The following GSK3B variants were observed in gnomAD, a reference collection of about 807,000 sequenced individuals.
GSK3B encodes the protein glycogen synthase kinase-3 beta.
GSK3B carries 15 observed loss-of-function variants against 56.4 expected under a neutral mutation model. The ratio of observed to expected loss-of-function variants is 0.27; its 90% CI spans 0.18 to 0.41. The LOEUF is 0.41. GSK3B is among the 10% of genes least tolerant of loss of function. GSK3B has a pLI of 1.00. For missense variants in GSK3B, 300 were observed against 513.4 expected, an observed-to-expected ratio of 0.58 and a Z score of 4.02; for synonymous variants, 181 against 188.9, an observed-to-expected ratio of 0.96 and a Z score of 0.34.
intron 9 of GSK3B, 144 bp from the exon 10 acceptor site, chr3:119,843,497 C>T (rs752524757): frequency 1.5e-5 from 5 of 331,706 alleles, no homozygotes; most frequent in Non-Finnish European, 2.9e-5. Flanking sequence ...AATCCTAGCA[C>T]TTTGGGAGGC....
chr3:119,969,291 CAAA>C (rs112664898), intron 2 of GSK3B, among the ~76,000 whole-genome samples: 1 of 106,850 alleles, frequency 9.4e-6, no homozygotes, highest in Non-Finnish European at 2.0e-5. Context: ...GACTCCATCT[CAAA>C]AAAAAAAAAA....
intron 3 of GSK3B, among the ~76,000 whole-genome samples, chr3:119,927,430 C>T (rs139317510): frequency 4.6e-5 from 7 of 151,648 alleles, no homozygotes; most frequent in Admixed American, 6.6e-5. Context: ...TTTAAAGCAG[C>T]GGGAAGGCAG....
At chr3:120,083,399 A>G (rs1270809520) in intron 1 of GSK3B, among the ~76,000 whole-genome samples, 1 of 152,002 alleles carries the variant, frequency 6.6e-6, no homozygotes, top group East Asian at 1.9e-4. Flanking sequence ...GAAAAAGGAC[A>G]CTCCAGGAAA....
At chr3:120,079,447 C>A (rs113228536) in intron 1 of GSK3B, among the ~76,000 whole-genome samples, 6 of 151,618 alleles carry the variant, frequency 4.0e-5, no homozygotes, top group South Asian at 2.1e-4. Flanking sequence ...CAGGCTGGAG[C>A]GCAGTAGTGC....
intron 10 of GSK3B, among the ~76,000 whole-genome samples, chr3:119,839,186 A>C (rs1394097452): frequency 2.0e-5 from 3 of 152,216 alleles, no homozygotes; most frequent in Non-Finnish European, 4.4e-5. Flanking sequence ...CTTTTTCAGA[A>C]GCAGCAATAT....
chr3:120,065,478 G>T (rs1007971793), intron 1 of GSK3B, among the ~76,000 whole-genome samples: 1 of 152,152 alleles, frequency 6.6e-6, no homozygotes, highest in African/African-American at 2.4e-5. Context: ...GCTTGAAGAA[G>T]ATGCGGAGAA....
chr3:119,953,182 C>A (rs1367949020), intron 2 of GSK3B, among the ~76,000 whole-genome samples: 1 of 151,878 alleles, frequency 6.6e-6, no homozygotes, highest in Non-Finnish European at 1.5e-5. Flanking sequence ...TTAGAGCAAC[C>A]ACTAAGAAAA....
intron 1 of GSK3B, among the ~76,000 whole-genome samples, chr3:120,066,837 A>T (rs1241111377): frequency 1.3e-5 from 2 of 152,244 alleles, no homozygotes; most frequent in Non-Finnish European, 2.9e-5. Context: ...ACATCCTAAT[A>T]AAACTTTATT....
rs1227198473 is a variant in GSK3B, at chr3:119,960,339, G to C, written c.283-12988C>G. ...AGAGAAGTCAATGTGGTTATAAAAG[G>C]GCAGTAAGAGGATACTTGTGATGTT... is the stretch of plus-strand genomic sequence containing the variant. On this transcript the variant is annotated intron_variant, in intron 2 of 10. Coordinates refer to ENST00000264235, the MANE Select transcript of GSK3B (RefSeq NM_001146156.2). 2.6e-5 allele frequency among the ~76,000 whole-genome samples: 4 copies of C among 151,922 alleles called. No individual in the cohort carries two copies. In the South Asian group the frequency reaches 8.3e-4, roughly 32 times the overall value.
At chr3:119,827,203 G>C (rs1361654852) in intron 10 of GSK3B, among the ~76,000 whole-genome samples, 1 of 152,166 alleles carries the variant, frequency 6.6e-6, no homozygotes, top group African/African-American at 2.4e-5. Flanking sequence ...ACAGTGCACA[G>C]CTGGGAAAAC....
At chr3:119,852,216 T>C (rs2055939577) in intron 9 of GSK3B, among the ~76,000 whole-genome samples, 1 of 152,240 alleles carries the variant, frequency 6.6e-6, no homozygotes, top group Admixed American at 6.5e-5. Context: ...TTCCAATTTA[T>C]ACCACTCACC....
chr3:120,093,684 A>T lies in GSK3B; in HGVS notation c.-250T>A, dbSNP rs199674591. On this transcript the variant is annotated 5_prime_UTR_variant, in exon 1 of 11. Transcript: ENST00000264235. Reference sequence around the variant, plus strand: ...TAGATGATTTAGGACTTGGGAAAAAATACAATTCTTTCCCCTCCCTTTCCT... The same window carrying T: ...TAGATGATTTAGGACTTGGGAAAAATTACAATTCTTTCCCCTCCCTTTCCT... The T allele has an allele frequency of 1.1e-5, 4 of 380,880 alleles. No homozygotes were observed. Among genetic ancestry groups the T allele is most frequent in the African/African-American group, 8.1e-5 (4 of 49,128 alleles). 23.6% of individuals were successfully genotyped at this position (380,880 alleles called of 1,614,324 possible).
At chr3:120,073,409 G>C (rs2058343913) in intron 1 of GSK3B, among the ~76,000 whole-genome samples, 1 of 151,826 alleles carries the variant, frequency 6.6e-6, no homozygotes, top group African/African-American at 2.4e-5. Context: ...AAAAGGATAG[G>C]AGCTCAGGCT....
At chr3:119,962,608 A>T (rs927408060) in intron 2 of GSK3B, among the ~76,000 whole-genome samples, 2 of 152,180 alleles carry the variant, frequency 1.3e-5, no homozygotes, top group African/African-American at 4.8e-5. Context: ...ATTTGTTTGC[A>T]TATGAAATAG....
chr3:120,093,403 G>C lies in GSK3B; in HGVS notation c.32C>G (p.Ala11Gly). 1 of 1,613,536 alleles carries C rather than the reference G, an allele frequency of 6.2e-7. No homozygotes were observed. The highest frequency in any genetic ancestry group is 8.5e-7 in the Non-Finnish European group (1 of 1,179,504). Residue 11 changes from alanine (A) to glycine (G), a missense_variant, in exon 1 of 11, where the codon GCG (alanine) becomes GGG (glycine). By Grantham distance (60) the Ala-to-Gly change is moderately conservative. This residue lies in a region of GSK3B where 53 missense variants were observed against 64.6 expected (regional missense o/e 0.82). Coordinates refer to ENST00000264235, the MANE Select transcript of GSK3B (RefSeq NM_001146156.2). ...CTGCTGCACCGGCTTGCAGCTCTCCGCAAAGGAGGTGGTTCTGGGCCGCCC... is the reference window on the plus strand; with the variant it reads ...CTGCTGCACCGGCTTGCAGCTCTCCCCAAAGGAGGTGGTTCTGGGCCGCCC... The part of the protein sequence containing the change: MSGRPRTTSF[A>G]ESCKPVQQPS...
In GSK3B at chr3:120,070,244, A is replaced by C. The variant is rs557439038; in HGVS notation, c.88+23103T>G. ...AAAACAAAACAAAACAAAAAACAAA[A>C]AAAAAAAACATCCTGTATATATAAC... is the stretch of plus-strand genomic sequence containing the variant. On this transcript the variant is annotated intron_variant, in intron 1 of 10. Coordinates refer to ENST00000264235, the MANE Select transcript of GSK3B (RefSeq NM_001146156.2). Among the ~76,000 whole-genome samples, 57 of 151,918 alleles carry C rather than the reference A, an allele frequency of 3.8e-4. 1 individual carries two copies. In the South Asian group the frequency reaches 9.6e-3, roughly 25 times the overall value.
intron 9 of GSK3B, among the ~76,000 whole-genome samples, chr3:119,845,474 A>G (rs1311280866): frequency 6.6e-6 from 1 of 152,260 alleles, no homozygotes; most frequent in African/African-American, 2.4e-5. Context: ...AAGTCGCAGG[A>G]TACAAAATCA....
rs371214575 is a variant in GSK3B, at chr3:119,880,206, T to TTC, written c.814-3700_814-3699dup. On this transcript the variant is annotated intron_variant, in intron 7 of 10. Coordinates refer to ENST00000264235, the MANE Select transcript of GSK3B (RefSeq NM_001146156.2). Reference sequence around the variant, plus strand: ...ATCTCATTGTAGTTTTGATTTGCATTTCTCTGATGATCAATGATGTTGAGC... The same window carrying TTC: ...ATCTCATTGTAGTTTTGATTTGCATTTCTCTCTGATGATCAATGATGTTGAGC... Among the ~76,000 whole-genome samples the TTC allele has an allele frequency of 4.2e-3, 644 of 152,326 alleles. 1 individual carries two copies. Among genetic ancestry groups the TTC allele is most frequent in the African/African-American group, 0.015 (608 of 41,580 alleles).
At chr3:120,022,733 C>T (rs1416673451) in intron 1 of GSK3B, among the ~76,000 whole-genome samples, 1 of 152,174 alleles carries the variant, frequency 6.6e-6, no homozygotes, top group Non-Finnish European at 1.5e-5. Context: ...ATTTCTTTCT[C>T]CCCACAAAGC....
Sources: allele counts gnomAD v4.1 joint callset (sites outside exome capture counted in the v4.1 genomes callset), GRCh38; gene constraint gnomAD v4.1.1; regional missense constraint gnomAD v4.1.1; transcripts MANE v1.5; gene names NCBI Gene and HGNC (gene_info 2026-07-23, HGNC 2026-07-21).